Variants in BABAM2 observed in about 807,000 individuals in gnomAD.
The protein encoded by BABAM2 is BRISC and BRCA1-A complex member 2.
Under a neutral mutation model 54.7 loss-of-function variants are expected in BABAM2, and 31 were observed. That is an observed-to-expected ratio of 0.57 (90% confidence interval 0.43 to 0.77). The LOEUF is 0.77. Among genes scored for constraint, BABAM2 ranks in the 30% least tolerant of loss-of-function variants. The pLI is 0.00. For synonymous variants in BABAM2, 167 were observed against 162.9 expected (o/e 1.03, Z -0.19); for missense variants, 364 against 455.8 (o/e 0.80, Z 1.83).
In BABAM2 at chr2:28,325,013, A is replaced by T. The variant is rs1690329198; in HGVS notation, c.1089-13437A>T. Among the ~76,000 whole-genome samples the T allele has an allele frequency of 6.6e-6, 1 of 152,126 alleles. No homozygotes were observed. Among genetic ancestry groups the T allele is most frequent in the South Asian group, 2.1e-4 (1 of 4,832 alleles). ...CTTCCAGACTTTTTTTTTTAACCACAATCTACAAGATATTTTACATTTGAA... is the reference window on the plus strand; with the variant it reads ...CTTCCAGACTTTTTTTTTTAACCACTATCTACAAGATATTTTACATTTGAA... On this transcript the variant is annotated intron_variant, in intron 11 of 11. Coordinates refer to ENST00000379624, the MANE Select transcript of BABAM2 (RefSeq NM_199191.3). This position sits in a 1 kb window ranked among gnomAD's most constrained non-coding sequence, Gnocchi z 4.3.
chr2:28,254,499 C>A (rs1476607106), intron 10 of BABAM2, among the ~76,000 whole-genome samples: 1 of 150,156 alleles, frequency 6.7e-6, no homozygotes, highest in Non-Finnish European at 1.5e-5. Flanking sequence ...TGGATCTGTC[C>A]TGAGAACCTG....
At chr2:28,327,890 C>T (rs562959764) in intron 11 of BABAM2, among the ~76,000 whole-genome samples, 19 of 152,296 alleles carry the variant, frequency 1.2e-4, no homozygotes, top group South Asian at 1.0e-3. Flanking sequence ...CAGGGGTTGG[C>T]GCATTTAGCA....
chr2:28,139,090 C>G (rs1447066523), intron 7 of BABAM2, among the ~76,000 whole-genome samples: 2 of 152,026 alleles, frequency 1.3e-5, no homozygotes, highest in Non-Finnish European at 2.9e-5. Flanking sequence ...GATAGGTACT[C>G]CTGGGAATTA....
At chr2:28,173,905 A>C (rs1674638210) in intron 7 of BABAM2, among the ~76,000 whole-genome samples, 1 of 152,366 alleles carries the variant, frequency 6.6e-6, no homozygotes, top group South Asian at 2.1e-4. Flanking sequence ...GAGAAAACAA[A>C]AAATAAAGAC....
chr2:28,205,577 G>A (rs1447202084), intron 7 of BABAM2, among the ~76,000 whole-genome samples: 1 of 152,114 alleles, frequency 6.6e-6, no homozygotes, highest in Admixed American at 6.6e-5. Context: ...AGCACAGGGA[G>A]ATTAACTTGC....
chr2:28,258,591 T>C (rs1684171179), intron 10 of BABAM2, among the ~76,000 whole-genome samples: 1 of 149,132 alleles, frequency 6.7e-6, no homozygotes, highest in African/African-American at 2.5e-5. Context: ...AAGCATCTGC[T>C]TAAGTCTTTT....
intron 3 of BABAM2, among the ~76,000 whole-genome samples, chr2:27,940,841 A>G (rs1032448216): frequency 5.3e-5 from 8 of 152,204 alleles, no homozygotes; most frequent in African/African-American, 1.9e-4. Flanking sequence ...GCTGGTAGAC[A>G]TAGTCGCCAG....
chr2:28,177,941 G>A (rs1387227455), intron 7 of BABAM2, among the ~76,000 whole-genome samples: 1 of 151,896 alleles, frequency 6.6e-6, no homozygotes, highest in Non-Finnish European at 1.5e-5. Flanking sequence ...TTCCACAAGA[G>A]AATATTACAG....
chr2:28,236,437 C>T (rs1681924974), intron 7 of BABAM2, among the ~76,000 whole-genome samples: 1 of 150,160 alleles, frequency 6.7e-6, no homozygotes, highest in Middle Eastern at 3.5e-3. Context: ...GATCTTGGCT[C>T]ACTGCAATCT....
At chr2:28,307,351 A>G (rs1688648746) in intron 11 of BABAM2, among the ~76,000 whole-genome samples, 1 of 150,628 alleles carries the variant, frequency 6.6e-6, no homozygotes, top group East Asian at 1.9e-4. Flanking sequence ...TATAAATAAT[A>G]AGCTTACTGG....
intron 11 of BABAM2, among the ~76,000 whole-genome samples, chr2:28,298,797 A>G (rs1413813818): frequency 6.6e-6 from 1 of 152,006 alleles, no homozygotes; most frequent in Non-Finnish European, 1.5e-5. Flanking sequence ...TCCTTTTTCT[A>G]CTGTTTCTGT....
chr2:28,068,772 C>G (rs1209479684), intron 6 of BABAM2, among the ~76,000 whole-genome samples: 4 of 151,994 alleles, frequency 2.6e-5, no homozygotes, highest in Non-Finnish European at 5.9e-5. Flanking sequence ...CGTTGACTTT[C>G]AACATATGGC....
At chr2:27,971,660 A>G (rs2148452290) in intron 3 of BABAM2, among the ~76,000 whole-genome samples, 1 of 152,162 alleles carries the variant, frequency 6.6e-6, no homozygotes, top group Non-Finnish European at 1.5e-5. Context: ...ATGGGTATGT[A>G]AAAATCAAGC....
chr2:28,266,070 C>T (rs1684960892), intron 10 of BABAM2, among the ~76,000 whole-genome samples: 1 of 152,070 alleles, frequency 6.6e-6, no homozygotes. Context: ...CTGCAACCTC[C>T]ACCTCCTGGA....
intron 7 of BABAM2, among the ~76,000 whole-genome samples, chr2:28,141,017 C>A (rs1671003152): frequency 6.6e-6 from 1 of 152,104 alleles, no homozygotes; most frequent in Non-Finnish European, 1.5e-5. Flanking sequence ...TGGAAGCCCT[C>A]ATATCTCTTC....
rs1406843262 is a variant in BABAM2 at position 28,224,849 on chromosome 2, G to GAAAA, written c.681-12352_681-12351insAAAA. Among the ~76,000 whole-genome samples the GAAAA allele has an allele frequency of 7.8e-4, 47 of 60,402 alleles. 1 individual carries two copies. Among genetic ancestry groups the GAAAA allele is most frequent in the African/African-American group, 2.0e-3 (34 of 17,298 alleles). The allele number at this position is 60,402 out of a possible 152,430, so 39.6% of individuals were successfully genotyped here. On this transcript the variant is annotated intron_variant, in intron 7 of 11. Coordinates refer to ENST00000379624, the MANE Select transcript of BABAM2 (RefSeq NM_199191.3). ...AGAACAAGTCCAAAAACGGTAAATTGACAAAAAAAAAAAAAAAAAAAAAAA... is the reference window on the plus strand; with the variant it reads ...AGAACAAGTCCAAAAACGGTAAATTGAAAAACAAAAAAAAAAAAAAAAAAAAAAA...
At chr2:28,275,753 C>T (rs1240279624) in intron 10 of BABAM2, among the ~76,000 whole-genome samples, 3 of 152,058 alleles carry the variant, frequency 2.0e-5, no homozygotes, top group Non-Finnish European at 4.4e-5. Flanking sequence ...CTTCCAACAG[C>T]CAATAAACAT....
intron 3 of BABAM2, among the ~76,000 whole-genome samples, chr2:27,957,605 C>T (rs770301209): frequency 1.3e-5 from 2 of 152,068 alleles, no homozygotes; most frequent in Admixed American, 6.6e-5. Flanking sequence ...AAAAAGAATT[C>T]GGTAGAGCAT....
At chr2:27,903,041 G>A (rs1665920981) in intron 2 of BABAM2, among the ~76,000 whole-genome samples, 2 of 152,020 alleles carry the variant, frequency 1.3e-5, no homozygotes, top group African/African-American at 4.8e-5. Flanking sequence ...GTCTTTAAAT[G>A]GGAATTTATT....
Sources: allele counts gnomAD v4.1 joint callset (sites outside exome capture counted in the v4.1 genomes callset), GRCh38; gene constraint gnomAD v4.1.1; non-coding constraint Gnocchi (gnomAD v3.1); transcripts MANE v1.5; gene names NCBI Gene and HGNC (gene_info 2026-07-23, HGNC 2026-07-21).